The following RERE variants were observed in gnomAD, a reference collection of about 807,000 sequenced individuals.
The protein encoded by RERE is arginine-glutamic acid dipeptide repeats, also known as arginine-glutamic acid dipeptide repeats protein.
RERE carries 40 observed loss-of-function variants against 146.1 expected under a neutral mutation model. The observed-to-expected ratio is 0.27, with a 90% CI of 0.21 to 0.36. The LOEUF is 0.36. Ranked by LOEUF, RERE falls within the 10% of genes least tolerant of loss-of-function variation. The probability of loss-of-function intolerance (pLI) is 1.00; values close to 1 mark genes in which losing one functional copy is unlikely to be tolerated. For synonymous variants in RERE, 1,003 were observed against 866.0 expected, an observed-to-expected ratio of 1.16 and a Z score of -2.78; for missense variants, 1,933 against 2,138.7, an observed-to-expected ratio of 0.90 and a Z score of 1.90.
chr1:8,481,988 C>T lies in RERE; in HGVS notation c.1104+13075G>A, dbSNP rs111518058. Among the ~76,000 whole-genome samples the T allele has an allele frequency of 7.5e-3, 1,146 of 152,048 alleles. 14 individuals carry two copies. Among genetic ancestry groups the T allele is most frequent in the African/African-American group, 0.026 (1,085 of 41,476 alleles). Reference sequence around the variant, plus strand: ...CATTTTAAATGACAGGCGAAGCAGACCAGGAGGATAAATAAAATGGTAATA... The same window carrying T: ...CATTTTAAATGACAGGCGAAGCAGATCAGGAGGATAAATAAAATGGTAATA... On this transcript the variant is annotated intron_variant, in intron 10 of 22. Transcript: ENST00000400908.
chr1:8,812,563 C>G (rs1324553029), intron 1 of RERE, among the ~76,000 whole-genome samples: 1 of 152,118 alleles, frequency 6.6e-6, no homozygotes, highest in East Asian at 1.9e-4. Flanking sequence ...AGGAAAATCG[C>G]TTGAACCTGG....
At chr1:8,460,129 T>C (rs933050763) in intron 11 of RERE, among the ~76,000 whole-genome samples, 4 of 152,220 alleles carry the variant, frequency 2.6e-5, no homozygotes, top group African/African-American at 7.2e-5. Context: ...GTGAATTCCA[T>C]TTTCCTCAGC....
chr1:8,657,974 A>G (rs567647025), intron 1 of RERE, among the ~76,000 whole-genome samples: 2 of 152,310 alleles, frequency 1.3e-5, no homozygotes, highest in Admixed American at 1.3e-4. Flanking sequence ...TATCCCTAAT[A>G]AAGTACTCCC....
At chr1:8,381,583 AATT>A (rs1642460574) in intron 12 of RERE, among the ~76,000 whole-genome samples, 1 of 152,276 alleles carries the variant, frequency 6.6e-6, no homozygotes, top group South Asian at 2.1e-4. Flanking sequence ...TATTCAAGGT[AATT>A]ATTATTTCCC....
chr1:8,414,167 C>CA (rs2124460931), intron 12 of RERE, among the ~76,000 whole-genome samples: 1 of 152,214 alleles, frequency 6.6e-6, no homozygotes, highest in Admixed American at 6.5e-5. Flanking sequence ...TTATTCACCT[C>CA]AGACATCCCA....
At chr1:8,799,865 G>A (rs1301717823) in intron 1 of RERE, among the ~76,000 whole-genome samples, 2 of 151,450 alleles carry the variant, frequency 1.3e-5, no homozygotes, top group Non-Finnish European at 2.9e-5. Flanking sequence ...AGGCTGGAGT[G>A]CAGTGGCGCA....
intron 1 of RERE, among the ~76,000 whole-genome samples, chr1:8,758,226 C>T (rs1640683944): frequency 6.6e-6 from 1 of 151,900 alleles, no homozygotes; most frequent in Non-Finnish European, 1.5e-5. Flanking sequence ...GCTGGGATTA[C>T]AGGCCTGCGC....
rs1006868931 is a variant in RERE at position 8,661,260 on chromosome 1, G to C, written c.-144-4819C>G. On this transcript the variant is annotated intron_variant, in intron 1 of 22. Transcript: ENST00000400908. ...GCAGGAATGAGCCAGGCCCACTCAAGACACAGGAGACCAGAGGGGCAGGAA... is the reference window on the plus strand; with the variant it reads ...GCAGGAATGAGCCAGGCCCACTCAACACACAGGAGACCAGAGGGGCAGGAA... 2.6e-5 allele frequency among the ~76,000 whole-genome samples: 4 copies of C among 152,142 alleles called. No homozygotes were observed. In the East Asian group the frequency reaches 7.7e-4, roughly 29 times the overall value.
chr1:8,632,776 A>G (rs1354489456), intron 2 of RERE, among the ~76,000 whole-genome samples: 1 of 152,192 alleles, frequency 6.6e-6, no homozygotes, highest in Non-Finnish European at 1.5e-5. Context: ...TAATGTACAT[A>G]TTCATTTAAT....
chr1:8,369,242 G>C (rs1641932128), intron 12 of RERE, among the ~76,000 whole-genome samples: 1 of 151,996 alleles, frequency 6.6e-6, no homozygotes, highest in Non-Finnish European at 1.5e-5. Context: ...AGAAGCCAGA[G>C]TTCAGTGAGG....
At chr1:8,502,642 G>A (rs918273845) in intron 8 of RERE, among the ~76,000 whole-genome samples, 7 of 149,866 alleles carry the variant, frequency 4.7e-5, no homozygotes, top group African/African-American at 1.7e-4. Context: ...TTGTGGAATA[G>A]AAAGGCGGGA....
chr1:8,521,909 T>C (rs955148051), intron 7 of RERE, among the ~76,000 whole-genome samples: 1 of 152,238 alleles, frequency 6.6e-6, no homozygotes, highest in Non-Finnish European at 1.5e-5. Context: ...AAGCTTGATG[T>C]CCAATAGGGA....
intron 2 of RERE, among the ~76,000 whole-genome samples, chr1:8,655,677 A>G (rs1638263766): frequency 6.6e-6 from 1 of 152,248 alleles, no homozygotes; most frequent in African/African-American, 2.4e-5. Flanking sequence ...CATGAATTCA[A>G]AAGACAAAAA....
At chr1:8,400,394 GGC>G (rs1185562629) in intron 12 of RERE, among the ~76,000 whole-genome samples, 1 of 152,022 alleles carries the variant, frequency 6.6e-6, no homozygotes, top group Non-Finnish European at 1.5e-5. Flanking sequence ...TGGGACTACA[GGC>G]GCATGCCACC....
intron 4 of RERE, among the ~76,000 whole-genome samples, chr1:8,613,477 G>A (rs1042850730): frequency 1.3e-5 from 2 of 152,110 alleles, no homozygotes; most frequent in Admixed American, 6.5e-5. Context: ...TCTTATTGAT[G>A]TATGAAAAAC....
At chr1:8,539,344 G>A (rs534735170) in intron 7 of RERE, among the ~76,000 whole-genome samples, 7 of 152,036 alleles carry the variant, frequency 4.6e-5, no homozygotes, top group East Asian at 1.9e-4. Context: ...ATTGGAACAC[G>A]GCATACTTTT....
intron 7 of RERE, among the ~76,000 whole-genome samples, chr1:8,532,489 T>G (rs996065764): frequency 1.3e-5 from 2 of 152,034 alleles, no homozygotes; most frequent in Admixed American, 6.5e-5. Flanking sequence ...GGCACAATCT[T>G]GGATCACTGC....
In RERE at chr1:8,656,236, C is replaced by T. The variant is rs761662369; in HGVS notation, c.62G>A (p.Arg21Gln). Residue 21 changes from arginine to glutamine, a missense_variant, in exon 2 of 23, where the codon CGA (arginine) becomes CAA (glutamine). Physicochemically the swap from Arg to Gln is conservative, Grantham distance 43. Around this residue, in one of 11 missense-constraint regions of RERE, gnomAD observed 107 missense variants for 119.7 expected, o/e 0.89. Coordinates refer to ENST00000400908, the MANE Select transcript of RERE (RefSeq NM_001042681.2). ...TGCTTTGTCTCTTTTCTCTCTCTCT[C>T]GGTCCCGGTCTCGGTCCCGGTCCTT... ...KEKDRDRDRD[R>Q]EREKRDKARE... 2.0e-5 allele frequency: 32 copies of T among 1,612,180 alleles called. No homozygotes were observed. Among genetic ancestry groups the T allele is most frequent in the South Asian group, 8.8e-5 (8 of 91,034 alleles).
At chr1:8,720,059 A>G (rs1454492797) in intron 1 of RERE, among the ~76,000 whole-genome samples, 3 of 151,842 alleles carry the variant, frequency 2.0e-5, no homozygotes, top group Non-Finnish European at 2.9e-5. Flanking sequence ...ATTTCAAGAG[A>G]TCGAGACCAT....
Sources: gnomAD v4.1 joint callset for allele counts (sites outside exome capture counted in the v4.1 genomes callset) on GRCh38, gnomAD v4.1.1 for gene constraint, gnomAD v4.1.1 regional missense constraint, MANE v1.5 for transcripts, NCBI Gene and HGNC (gene_info 2026-07-23, HGNC 2026-07-21) for gene names.